The following LRBA variants were observed in gnomAD, a reference collection of about 807,000 sequenced individuals.
The protein encoded by LRBA is lipopolysaccharide-responsive and beige-like anchor protein.
LRBA carries 176 observed loss-of-function variants against 330.0 expected under a neutral mutation model. The observed-to-expected ratio is 0.53, with a 90% CI of 0.47 to 0.60. The LOEUF (loss-of-function observed/expected upper bound fraction) is 0.60, where lower values mean the gene tolerates loss of function less well. Among genes scored for constraint, LRBA ranks in the 20% least tolerant of loss-of-function variants. The pLI is 0.00. For missense variants in LRBA, 3,259 were observed against 3,444.8 expected, an observed-to-expected ratio of 0.95 and a Z score of 1.35; for synonymous variants, 1,230 against 1,193.0, an observed-to-expected ratio of 1.03 and a Z score of -0.64.
chr4:150,627,595 A>C (rs550238806), intron 37 of LRBA, among the ~76,000 whole-genome samples: 1 of 152,126 alleles, frequency 6.6e-6, no homozygotes, highest in African/African-American at 2.4e-5. Context: ...CAGCCCTCAT[A>C]AGACATATGA....
At chr4:150,272,269 G>A (rs1053446429) in intron 56 of LRBA, among the ~76,000 whole-genome samples, 3 of 152,090 alleles carry the variant, frequency 2.0e-5, no homozygotes, top group Non-Finnish European at 4.4e-5. Flanking sequence ...CAGGAATAGC[G>A]TCAACATCAA....
intron 47 of LRBA, among the ~76,000 whole-genome samples, chr4:150,352,808 T>C (rs1737356770): frequency 6.6e-6 from 1 of 152,160 alleles, no homozygotes; most frequent in Non-Finnish European, 1.5e-5. Flanking sequence ...TTGTCTTAAT[T>C]TGTGTGCAGT....
intron 5 of LRBA, among the ~76,000 whole-genome samples, chr4:150,919,428 A>G (rs951309217): frequency 1.3e-5 from 2 of 152,242 alleles, no homozygotes; most frequent in Non-Finnish European, 2.9e-5. Context: ...TGTAACTTAC[A>G]TATGCATTTA....
At chr4:150,444,317 A>T (rs149630568) in intron 44 of LRBA, among the ~76,000 whole-genome samples, 1 of 152,202 alleles carries the variant, frequency 6.6e-6, no homozygotes, top group African/African-American at 2.4e-5. Context: ...GAAGCCAATG[A>T]ATTTGATTCC....
chr4:150,948,747 G>C (rs1736497744), intron 2 of LRBA, among the ~76,000 whole-genome samples: 1 of 151,658 alleles, frequency 6.6e-6, no homozygotes, highest in African/African-American at 2.4e-5. Context: ...TCTCTCAAAA[G>C]TCAAGAGTAA....
At chr4:150,640,180 A>G (rs920412888) in intron 37 of LRBA, among the ~76,000 whole-genome samples, 1 of 151,980 alleles carries the variant, frequency 6.6e-6, no homozygotes, top group East Asian at 1.9e-4. Flanking sequence ...AATTTCAAAA[A>G]ATGCAATCAT....
intron 37 of LRBA, among the ~76,000 whole-genome samples, chr4:150,635,092 C>G (rs1204062160): frequency 1.3e-5 from 2 of 152,152 alleles, no homozygotes; most frequent in Non-Finnish European, 2.9e-5. Flanking sequence ...ATTTCCAGAA[C>G]AGAGGTTAAT....
At chr4:150,482,048 T>A (rs1470744370) in intron 42 of LRBA, among the ~76,000 whole-genome samples, 1 of 152,140 alleles carries the variant, frequency 6.6e-6, no homozygotes, top group African/African-American at 2.4e-5. Flanking sequence ...TGTTGAAGAA[T>A]AATTTACATA....
At chr4:150,739,619 A>G (rs1731675159) in intron 35 of LRBA, among the ~76,000 whole-genome samples, 1 of 152,096 alleles carries the variant, frequency 6.6e-6, no homozygotes, top group South Asian at 2.1e-4. Context: ...AAGGAATAAC[A>G]CTTCAATAAT....
chr4:150,557,231 G>A (rs1228649550), intron 40 of LRBA, among the ~76,000 whole-genome samples: 1 of 152,094 alleles, frequency 6.6e-6, no homozygotes, highest in African/African-American at 2.4e-5. Flanking sequence ...GAGCATTAAA[G>A]TAATTATGAC....
chr4:150,869,813 G>A (rs1223224006), intron 20 of LRBA, among the ~76,000 whole-genome samples: 1 of 152,112 alleles, frequency 6.6e-6, no homozygotes, highest in Non-Finnish European at 1.5e-5. Context: ...CCAGCACTTT[G>A]GGAGGTTGAG....
chr4:150,520,574 G>A (rs1411535664), intron 40 of LRBA, among the ~76,000 whole-genome samples: 3 of 151,978 alleles, frequency 2.0e-5, no homozygotes, highest in Admixed American at 2.0e-4. Flanking sequence ...AAGAAAATGT[G>A]GTACATATAC....
chr4:150,377,722 T>C (rs771840063), intron 47 of LRBA, among the ~76,000 whole-genome samples: 13 of 152,310 alleles, frequency 8.5e-5, no homozygotes, highest in Non-Finnish European at 1.8e-4. Flanking sequence ...TATAGGAGCC[T>C]GGAGTCTATC....
chr4:151,002,143 T>C (rs1743421273), intron 2 of LRBA, among the ~76,000 whole-genome samples: 1 of 131,488 alleles, frequency 7.6e-6, no homozygotes, highest in African/African-American at 2.9e-5. Context: ...GAAAAAGTCA[T>C]TACTACACCA....
At chr4:150,470,882 ACT>A (rs1756043881) in intron 43 of LRBA, among the ~76,000 whole-genome samples, 1 of 137,356 alleles carries the variant, frequency 7.3e-6, no homozygotes, top group Admixed American at 7.0e-5. Flanking sequence ...CACACCACAC[ACT>A]AAATTACTTC....
intron 35 of LRBA, among the ~76,000 whole-genome samples, chr4:150,752,117 AGAG>A (rs1454982897): frequency 6.6e-6 from 1 of 152,224 alleles, no homozygotes. Flanking sequence ...AATTAGCTAC[AGAG>A]AAGAGGATAA....
intron 37 of LRBA, among the ~76,000 whole-genome samples, chr4:150,600,517 G>T (rs1774005177): frequency 6.6e-6 from 1 of 152,030 alleles, no homozygotes; most frequent in Non-Finnish European, 1.5e-5. Flanking sequence ...TTTTAAAACA[G>T]TAGAGACTGA....
In LRBA at chr4:150,599,094, C is replaced by A; in HGVS notation, c.5959G>T (p.Asp1987Tyr). 1 of 1,614,082 alleles carries A rather than the reference C, an allele frequency of 6.2e-7. No individual in the cohort carries two copies. Among genetic ancestry groups the A allele is most frequent in the Non-Finnish European group, 8.5e-7 (1 of 1,179,986 alleles). ...LEFWRLDYWEDDLRRRRRFVR... is the reference protein window; with the variant it reads ...LEFWRLDYWEYDLRRRRRFVR... ...AATCGTCGCCGGCGCCGCAAGTCAT[C>A]TTCCCAGTAGTCAAGGCGCCAGAAC... Residue 1987 changes from aspartate to tyrosine, a missense_variant, in exon 38 of 57, where the codon GAT (aspartate) becomes TAT (tyrosine). Physicochemically the swap from Asp to Tyr is radical, Grantham distance 160. Coordinates refer to ENST00000651943, the MANE Select transcript of LRBA (RefSeq NM_001364905.1).
At chr4:150,408,439 G>C (rs377764011) in intron 47 of LRBA, among the ~76,000 whole-genome samples, 1 of 152,112 alleles carries the variant, frequency 6.6e-6, no homozygotes, top group Non-Finnish European at 1.5e-5. Context: ...AATAGCGTCA[G>C]TGGTGAATTC....
Sources: allele counts gnomAD v4.1 joint callset (sites outside exome capture counted in the v4.1 genomes callset), GRCh38; gene constraint gnomAD v4.1.1; transcripts MANE v1.5; gene names NCBI Gene and HGNC (gene_info 2026-07-23, HGNC 2026-07-21).